EPM2A: variants seen among roughly 807,000 people sequenced by gnomAD.
EPM2A encodes the protein EPM2A glucan phosphatase, laforin, also known as laforin.
EPM2A carries 21 observed loss-of-function variants against 26.5 expected under a neutral mutation model. The ratio of observed to expected loss-of-function variants is 0.79; its 90% CI spans 0.56 to 1.14. EPM2A has a LOEUF of 1.14. EPM2A is among the 50% of genes most tolerant of loss of function. EPM2A has a pLI of 0.00. For synonymous variants in EPM2A, 217 were observed against 177.6 expected (o/e 1.22, Z -1.76); for missense variants, 458 against 440.8 (o/e 1.04, Z -0.35).
chr6:145,400,511 C>T (rs540539955), intron 4 of EPM2A, among the ~76,000 whole-genome samples: 5 of 152,242 alleles, frequency 3.3e-5, no homozygotes, highest in African/African-American at 1.2e-4. Context: ...GTGGTTTCGG[C>T]ACAACAGCTG....
intron 4 of EPM2A, among the ~76,000 whole-genome samples, chr6:145,476,027 A>T (rs1779538869): frequency 6.6e-6 from 1 of 152,082 alleles, no homozygotes; most frequent in South Asian, 2.1e-4. Flanking sequence ...TACAAGAAAC[A>T]TACTTCACAT....
At chr6:145,462,425 T>G (rs1040012350) in intron 4 of EPM2A, among the ~76,000 whole-genome samples, 10 of 152,200 alleles carry the variant, frequency 6.6e-5, no homozygotes, top group African/African-American at 2.4e-4. Context: ...TACATAAGTA[T>G]ATTTTTCCAC....
chr6:145,445,294 T>C (rs1204861214), intron 4 of EPM2A, among the ~76,000 whole-genome samples: 1 of 152,224 alleles, frequency 6.6e-6, no homozygotes, highest in African/African-American at 2.4e-5. Flanking sequence ...TATAAATTTT[T>C]CTTTGACAAA....
At chr6:145,488,525 G>A (rs1399453863) in intron 4 of EPM2A, among the ~76,000 whole-genome samples, 1 of 96,228 alleles carries the variant, frequency 1.0e-5, no homozygotes, top group Non-Finnish European at 2.1e-5. Flanking sequence ...GTGTGTGTGA[G>A]AGAGAGAGAG....
intron 4 of EPM2A, among the ~76,000 whole-genome samples, chr6:145,425,029 T>A (rs552127360): frequency 6.6e-6 from 1 of 152,318 alleles, no homozygotes; most frequent in African/African-American, 2.4e-5. Context: ...GCCACATATC[T>A]ATATACAGTA....
intron 4 of EPM2A, among the ~76,000 whole-genome samples, chr6:145,491,462 A>T (rs1234184986): frequency 6.6e-6 from 1 of 152,090 alleles, no homozygotes; most frequent in Non-Finnish European, 1.5e-5. Flanking sequence ...CAACACCATC[A>T]AGCCGTCCCT....
At chr6:145,710,680 A>T (rs546149702) in intron 1 of EPM2A, among the ~76,000 whole-genome samples, 1 of 152,280 alleles carries the variant, frequency 6.6e-6, no homozygotes, top group African/African-American at 2.4e-5. Context: ...ATGTATGTTT[A>T]TTGCGGCATT....
Position 145,708,343 on chromosome 6 carries a change from G to C in EPM2A, c.302-22047C>G, listed in dbSNP as rs1782343249. Among the ~76,000 whole-genome samples the C allele has an allele frequency of 2.0e-5, 3 of 152,186 alleles. No individual in the cohort carries two copies. The South Asian group carries it at 6.2e-4, about 32-fold the overall frequency. On this transcript the variant is annotated intron_variant, in intron 1 of 3. Coordinates refer to ENST00000367519, the MANE Select transcript of EPM2A (RefSeq NM_005670.4). ...GGGAAAATGTCTCCAGGGAATGTCAGAGACCTTTGCAGCAGCCCCTCCCAT... is the reference window on the plus strand; with the variant it reads ...GGGAAAATGTCTCCAGGGAATGTCACAGACCTTTGCAGCAGCCCCTCCCAT...
downstream of EPM2A, among the ~76,000 whole-genome samples, chr6:145,496,761 C>T (rs1046642206): frequency 1.6e-5 from 1 of 62,620 alleles, no homozygotes; most frequent in East Asian, 3.6e-4. Flanking sequence ...GACGGAGTCT[C>T]GCTCTGTCGC....
At chr6:145,651,119 C>T (rs900710929) in intron 2 of EPM2A, among the ~76,000 whole-genome samples, 1 of 152,146 alleles carries the variant, frequency 6.6e-6, no homozygotes, top group African/African-American at 2.4e-5. Flanking sequence ...CAAAAATGAA[C>T]TGTTTGAAAA....
At chr6:145,672,657 G>T (rs780144337) in intron 2 of EPM2A, among the ~76,000 whole-genome samples, 1 of 152,220 alleles carries the variant, frequency 6.6e-6, no homozygotes, top group Non-Finnish European at 1.5e-5. Context: ...TTATTCTCTT[G>T]AAAAGGTTAA....
intron 2 of EPM2A, among the ~76,000 whole-genome samples, chr6:145,588,366 C>T (rs937758460): frequency 6.6e-6 from 1 of 152,126 alleles, no homozygotes; most frequent in Non-Finnish European, 1.5e-5. Context: ...TGGATTAATT[C>T]ATTAGAGAAG....
chr6:145,446,668 C>T (rs1053830937), intron 4 of EPM2A, among the ~76,000 whole-genome samples: 2 of 151,998 alleles, frequency 1.3e-5, no homozygotes, highest in Non-Finnish European at 2.9e-5. Flanking sequence ...TCTCTGGAAA[C>T]CTTGATCCTG....
downstream of EPM2A, among the ~76,000 whole-genome samples, chr6:145,498,330 C>T (rs1368704426): frequency 6.6e-6 from 1 of 152,198 alleles, no homozygotes; most frequent in Non-Finnish European, 1.5e-5. Context: ...TGCTTGGACC[C>T]CTGGATTCCA....
At chr6:145,612,336 A>G (rs1411914048) in intron 2 of EPM2A, among the ~76,000 whole-genome samples, 1 of 152,198 alleles carries the variant, frequency 6.6e-6, no homozygotes, top group Non-Finnish European at 1.5e-5. Flanking sequence ...GTAGAAATAC[A>G]AAGCAGAGAA....
At chr6:145,389,601 T>G (rs532706149) in intron 4 of EPM2A, among the ~76,000 whole-genome samples, 8 of 152,346 alleles carry the variant, frequency 5.3e-5, no homozygotes, top group South Asian at 4.1e-4. Context: ...TTTATTTATT[T>G]TCATACTGCA....
intron 4 of EPM2A, among the ~76,000 whole-genome samples, chr6:145,386,704 T>C (rs931461445): frequency 1.3e-5 from 2 of 152,168 alleles, no homozygotes; most frequent in Non-Finnish European, 2.9e-5. Context: ...TGATGTGTGA[T>C]ATCAGTTTTC....
At chr6:145,510,358 T>G (rs1164803613) in intron 2 of EPM2A, among the ~76,000 whole-genome samples, 2 of 152,064 alleles carry the variant, frequency 1.3e-5, no homozygotes, top group Non-Finnish European at 2.9e-5. Flanking sequence ...CAAGTCCTCA[T>G]GAATTAAAAA....
intron 2 of EPM2A, among the ~76,000 whole-genome samples, chr6:145,611,871 A>C (rs1346785888): frequency 1.3e-5 from 2 of 152,148 alleles, no homozygotes; most frequent in African/African-American, 4.8e-5. Flanking sequence ...AGAAGAAAAA[A>C]AAACACTTCT....
Sources: allele counts gnomAD v4.1 joint callset (sites outside exome capture counted in the v4.1 genomes callset), GRCh38; gene constraint gnomAD v4.1.1; transcripts MANE v1.5; gene names NCBI Gene and HGNC (gene_info 2026-07-23, HGNC 2026-07-21).